The following EPHA6 variants were observed in gnomAD, a reference collection of about 807,000 sequenced individuals.
The protein encoded by EPHA6 is ephrin type-A receptor 6.
Under a neutral mutation model 112.0 loss-of-function variants are expected in EPHA6, and 50 were observed. That is an observed-to-expected ratio of 0.45 (90% CI 0.36 to 0.56). The LOEUF is 0.56. Among genes scored for constraint, EPHA6 ranks in the 20% least tolerant of loss-of-function variants. The pLI is 0.00. For synonymous variants in EPHA6, 529 were observed against 490.7 expected, an observed-to-expected ratio of 1.08 and a Z score of -1.03; for missense variants, 1,280 against 1,417.4, an observed-to-expected ratio of 0.90 and a Z score of 1.56.
intron 2 of EPHA6, among the ~76,000 whole-genome samples, chr3:96,895,857 G>T (rs903477171): frequency 2.5e-4 from 38 of 152,058 alleles, no homozygotes; most frequent in Non-Finnish European, 4.6e-4. Context: ...CTTCACACAG[G>T]CTTCTTATAG....
intron 5 of EPHA6, among the ~76,000 whole-genome samples, chr3:97,397,697 G>A (rs546562476): frequency 6.6e-6 from 1 of 151,480 alleles, no homozygotes; most frequent in Non-Finnish European, 1.5e-5. Flanking sequence ...AAAACTTTAT[G>A]CATGAACCGT....
chr3:97,550,382 T>G (rs115684948), intron 11 of EPHA6, among the ~76,000 whole-genome samples: 44 of 152,340 alleles, frequency 2.9e-4, no homozygotes, highest in African/African-American at 1.1e-3. Context: ...TCTTTCAAGA[T>G]GTTGCTTATT....
chr3:97,686,353 C>G (rs2032249341), intron 14 of EPHA6, among the ~76,000 whole-genome samples: 1 of 152,092 alleles, frequency 6.6e-6, no homozygotes, highest in African/African-American at 2.4e-5. Context: ...CCCATCTTCT[C>G]TTTCACAAAA....
intron 2 of EPHA6, among the ~76,000 whole-genome samples, chr3:96,966,605 T>C (rs1429185592): frequency 6.6e-6 from 1 of 152,110 alleles, no homozygotes; most frequent in African/African-American, 2.4e-5. Context: ...GGATTTTTTG[T>C]AGTAAATAAG....
intron 14 of EPHA6, among the ~76,000 whole-genome samples, chr3:97,675,309 T>C (rs914391253): frequency 2.6e-5 from 4 of 152,014 alleles, no homozygotes; most frequent in African/African-American, 4.8e-5. Context: ...TGAAACCCCG[T>C]GTCTACTAAA....
chr3:97,689,484 G>C (rs895550789), intron 14 of EPHA6, among the ~76,000 whole-genome samples: 145 of 152,268 alleles, frequency 9.5e-4, no homozygotes, highest in African/African-American at 3.3e-3. Context: ...TAATGCGGTA[G>C]GCAGGCCTCT....
intron 14 of EPHA6, among the ~76,000 whole-genome samples, chr3:97,668,332 G>C (rs1028258173): frequency 1.3e-5 from 2 of 151,942 alleles, no homozygotes; most frequent in African/African-American, 4.8e-5. Flanking sequence ...CAAACATCTT[G>C]CCTGAAAAAG....
At chr3:97,546,046 A>C (rs2092942517) in intron 11 of EPHA6, among the ~76,000 whole-genome samples, 1 of 152,094 alleles carries the variant, frequency 6.6e-6, no homozygotes, top group African/African-American at 2.4e-5. Flanking sequence ...TTTTAATTGG[A>C]GCATTTAGCC....
At chr3:97,458,632 A>G (rs1191217400) in intron 7 of EPHA6, among the ~76,000 whole-genome samples, 1 of 152,180 alleles carries the variant, frequency 6.6e-6, no homozygotes, top group Non-Finnish European at 1.5e-5. Context: ...GAGATAAAGG[A>G]ATGAAATTAT....
chr3:97,161,358 A>G (rs1482113066), intron 3 of EPHA6, among the ~76,000 whole-genome samples: 3 of 152,144 alleles, frequency 2.0e-5, no homozygotes, highest in African/African-American at 7.2e-5. Flanking sequence ...ACCTGTAGGA[A>G]CTTGCCAAAG....
At chr3:97,197,014 G>A (rs866651122) in intron 3 of EPHA6, among the ~76,000 whole-genome samples, 4 of 151,824 alleles carry the variant, frequency 2.6e-5, no homozygotes, top group South Asian at 2.1e-4. Flanking sequence ...GTCCAAGGGC[G>A]CTTCACTTAG....
chr3:97,045,858 A>G (rs980958643), intron 3 of EPHA6, among the ~76,000 whole-genome samples: 1 of 152,036 alleles, frequency 6.6e-6, no homozygotes, highest in African/African-American at 2.4e-5. Context: ...TTTTGTCGCC[A>G]TTCTTTTTTA....
chr3:97,115,040 C>A (rs571481205), intron 3 of EPHA6, among the ~76,000 whole-genome samples: 15 of 151,926 alleles, frequency 9.9e-5, no homozygotes, highest in African/African-American at 3.4e-4. Flanking sequence ...AAAAGACTTG[C>A]AATATAGTTG....
At chr3:97,095,297 T>C (rs1367229890) in intron 3 of EPHA6, among the ~76,000 whole-genome samples, 1 of 151,764 alleles carries the variant, frequency 6.6e-6, no homozygotes, top group Non-Finnish European at 1.5e-5. Context: ...CACTGGGGCC[T>C]GTCATGGGGT....
intron 5 of EPHA6, among the ~76,000 whole-genome samples, chr3:97,276,979 A>G (rs2080106679): frequency 6.6e-6 from 1 of 152,044 alleles, no homozygotes; most frequent in Non-Finnish European, 1.5e-5. Context: ...AAAAGATTAT[A>G]GGGTGGAGGA....
At chr3:97,721,840 C>T (rs1476268977) in intron 15 of EPHA6, among the ~76,000 whole-genome samples, 3 of 152,168 alleles carry the variant, frequency 2.0e-5, no homozygotes, top group Non-Finnish European at 4.4e-5. Flanking sequence ...ATTCCAGAGG[C>T]ATAAATTTGT....
chr3:97,031,807 G>A (rs533912758), intron 3 of EPHA6, among the ~76,000 whole-genome samples: 150 of 152,272 alleles, frequency 9.9e-4, no homozygotes, highest in African/African-American at 3.5e-3. Flanking sequence ...ACAGGTGCTG[G>A]AGAGGATGTG....
At chr3:97,644,149 C>A (rs1183935547) in intron 14 of EPHA6, among the ~76,000 whole-genome samples, 6 of 152,032 alleles carry the variant, frequency 3.9e-5, no homozygotes, top group African/African-American at 1.2e-4. Context: ...CAAAACCGCT[C>A]AACTACATGG....
chr3:97,655,522 T>C (rs2094132812), intron 14 of EPHA6, among the ~76,000 whole-genome samples: 1 of 151,944 alleles, frequency 6.6e-6, no homozygotes, highest in Non-Finnish European at 1.5e-5. Context: ...TAATCCAGTC[T>C]ATCATCGTTG....
Sources: allele counts gnomAD v4.1 joint callset (sites outside exome capture counted in the v4.1 genomes callset), GRCh38; gene constraint gnomAD v4.1.1; transcripts MANE v1.5; gene names NCBI Gene and HGNC (gene_info 2026-07-23, HGNC 2026-07-21).